NRCAM: variants seen among roughly 807,000 people sequenced by gnomAD.
NRCAM encodes the protein NgCAM-related cell adhesion molecule.
A neutral mutation model predicts 156.5 loss-of-function variants in NRCAM; 83 were observed. The ratio of observed to expected loss-of-function variants is 0.53; its 90% CI spans 0.44 to 0.64. The LOEUF (loss-of-function observed/expected upper bound fraction) is 0.64, where lower values mean the gene tolerates loss of function less well. Among genes scored for constraint, NRCAM ranks in the 30% least tolerant of loss-of-function variants. The pLI is 0.00. For missense variants in NRCAM, 1,417 were observed against 1,597.3 expected, an observed-to-expected ratio of 0.89 and a Z score of 1.92; for synonymous variants, 538 against 563.9, an observed-to-expected ratio of 0.95 and a Z score of 0.65.
At chr7:108,253,766 G>A (rs1030482586) in intron 3 of NRCAM, among the ~76,000 whole-genome samples, 1 of 152,212 alleles carries the variant, frequency 6.6e-6, no homozygotes, top group African/African-American at 2.4e-5. Context: ...ATGTACAGAT[G>A]GATGGATGCC....
In NRCAM at chr7:108,266,243, T is replaced by C. The variant is rs114850070; in HGVS notation, c.-106-26073A>G. Among the ~76,000 whole-genome samples the C allele has an allele frequency of 5.8e-3, 881 of 152,360 alleles. 10 individuals carry two copies. The highest frequency in any genetic ancestry group is 0.02 in the African/African-American group (843 of 41,580). On this transcript the variant is annotated intron_variant, in intron 3 of 32. Transcript: ENST00000379028. Reference sequence around the variant, plus strand: ...CCATGTGCTGGCACTTCTATTCAGGTTGGCATGGCCTCAACCATTTTGAGT... The same window carrying C: ...CCATGTGCTGGCACTTCTATTCAGGCTGGCATGGCCTCAACCATTTTGAGT...
intron 26 of NRCAM, chr7:108,176,832 G>C: frequency 2.7e-6 from 1 of 366,806 alleles, no homozygotes; most frequent in South Asian, 5.2e-5. Flanking sequence ...CAAGGGGGTA[G>C]TATGTTCTCT....
chr7:108,301,823 A>G (rs966788394), intron 3 of NRCAM, among the ~76,000 whole-genome samples: 3 of 152,162 alleles, frequency 2.0e-5, no homozygotes, highest in Non-Finnish European at 4.4e-5. Flanking sequence ...TGCATTCATT[A>G]TGGTGAATTT....
At chr7:108,292,410 A>C (rs1299700484) in intron 3 of NRCAM, among the ~76,000 whole-genome samples, 2 of 152,246 alleles carry the variant, frequency 1.3e-5, no homozygotes, top group African/African-American at 4.8e-5. Flanking sequence ...ACAATATCAA[A>C]GTCAGAAAGG....
chr7:108,157,897 T>C (rs1223212622), intron 32 of NRCAM, among the ~76,000 whole-genome samples: 1 of 151,968 alleles, frequency 6.6e-6, no homozygotes, highest in Non-Finnish European at 1.5e-5. Flanking sequence ...TGCAAATACA[T>C]TTTTTTTCAG....
intron 1 of NRCAM, among the ~76,000 whole-genome samples, chr7:108,423,725 G>C (rs1257597850): frequency 6.6e-6 from 1 of 152,174 alleles, no homozygotes; most frequent in African/African-American, 2.4e-5. Context: ...TTCTTAAACA[G>C]AATCTGACCT....
chr7:108,294,027 T>G (rs2098396251), intron 3 of NRCAM, among the ~76,000 whole-genome samples: 1 of 152,112 alleles, frequency 6.6e-6, no homozygotes, highest in Admixed American at 6.5e-5. Flanking sequence ...CCTTGGGTTC[T>G]GCTAATTGGA....
chr7:108,288,972 A>AG (rs2098196784), intron 3 of NRCAM, among the ~76,000 whole-genome samples: 1 of 152,010 alleles, frequency 6.6e-6, no homozygotes, highest in Non-Finnish European at 1.5e-5. Flanking sequence ...AGGGTGGGGT[A>AG]GGGGGTTGAA....
At chr7:108,185,430 CT>C (rs2066072653) in intron 20 of NRCAM, among the ~76,000 whole-genome samples, 1 of 152,172 alleles carries the variant, frequency 6.6e-6, no homozygotes. Context: ...ATGGAATACT[CT>C]GAAGCTGTTA....
At chr7:108,411,826 C>T (rs1439902669) in intron 1 of NRCAM, among the ~76,000 whole-genome samples, 1 of 152,158 alleles carries the variant, frequency 6.6e-6, no homozygotes, top group Non-Finnish European at 1.5e-5. Flanking sequence ...CCACCACACC[C>T]AGCCAGGCCT....
At chr7:108,242,829 T>C (rs1589700907) in intron 3 of NRCAM, among the ~76,000 whole-genome samples, 1 of 152,190 alleles carries the variant, frequency 6.6e-6, no homozygotes, top group Admixed American at 6.5e-5. Context: ...AACAGCTACA[T>C]ACAATTTCTG....
intron 3 of NRCAM, among the ~76,000 whole-genome samples, chr7:108,312,383 T>C (rs2098814367): frequency 6.6e-6 from 1 of 152,172 alleles, no homozygotes; most frequent in African/African-American, 2.4e-5. Context: ...GCCTCTGCTC[T>C]CTATTTTCTG....
At chr7:108,328,550 C>A (rs984333730) in intron 2 of NRCAM, 10 of 152,168 alleles carry the variant, frequency 6.6e-5, no homozygotes, top group African/African-American at 2.2e-4. Context: ...TGTGGCTGGC[C>A]CATGTGCAGT....
chr7:108,360,680 A>G (rs1022206007), intron 2 of NRCAM, among the ~76,000 whole-genome samples: 2 of 152,208 alleles, frequency 1.3e-5, no homozygotes, highest in African/African-American at 2.4e-5. Context: ...GAGTCTCTAA[A>G]CAAACCCTTA....
intron 20 of NRCAM, among the ~76,000 whole-genome samples, chr7:108,186,867 G>A (rs2067160999): frequency 6.6e-6 from 1 of 152,084 alleles, no homozygotes. Flanking sequence ...TTTCCATGTG[G>A]CACTTGCTTT....
intron 20 of NRCAM, among the ~76,000 whole-genome samples, chr7:108,187,703 G>T (rs530777386): frequency 6.6e-6 from 1 of 152,262 alleles, no homozygotes; most frequent in Non-Finnish European, 1.5e-5. Flanking sequence ...TGTAATCCCA[G>T]CACTTTGGGA....
At chr7:108,356,857 C>T (rs548507524) in intron 2 of NRCAM, among the ~76,000 whole-genome samples, 24 of 150,784 alleles carry the variant, frequency 1.6e-4, no homozygotes, top group East Asian at 5.8e-4. Flanking sequence ...CAACCCTTAA[C>T]GTGATGGTTG....
rs553748314 is a variant in NRCAM, at chr7:108,181,932, T to C, written c.2536A>G (p.Met846Val). 4.5e-5 allele frequency: 72 copies of C among 1,611,482 alleles called. No homozygotes were observed. The highest frequency in any genetic ancestry group is 1.6e-4 in the Middle Eastern group (1 of 6,062). ...VMGHSGEDLP[M>V]VAPGNVRVNV... is the part of the protein sequence containing the mutation. The stretch of plus-strand genomic sequence containing the variant: ...ACACGCACGTTCCCAGGAGCCACCA[T>C]TGGGACTAGGAAAAGGACAGGGAAG... The change falls in exon 24 of 33, where the codon ATG (methionine) becomes GTG (valine). Residue 846 changes from methionine to valine, a missense_variant. Physicochemically the swap from Met to Val is conservative, Grantham distance 21 (BLOSUM62 1). Transcript: ENST00000379028.
chr7:108,304,540 T>A (rs1422012383), intron 3 of NRCAM, among the ~76,000 whole-genome samples: 1 of 152,138 alleles, frequency 6.6e-6, no homozygotes, highest in Admixed American at 6.6e-5. Flanking sequence ...TAACAAGCAA[T>A]AGATAATGTT....
Sources: allele counts gnomAD v4.1 joint callset (sites outside exome capture counted in the v4.1 genomes callset), GRCh38; gene constraint gnomAD v4.1.1; transcripts MANE v1.5; gene names NCBI Gene and HGNC (gene_info 2026-07-23, HGNC 2026-07-21).